The following LINGO2 variants were observed in gnomAD, a reference collection of about 807,000 sequenced individuals.
The protein encoded by LINGO2 is leucine rich repeat and Ig domain containing 2.
LINGO2 carries 14 observed loss-of-function variants against 30.6 expected under a neutral mutation model. That is an observed-to-expected ratio of 0.46 (90% confidence interval 0.30 to 0.72). The LOEUF is 0.72. Ranked by LOEUF, LINGO2 falls within the 30% of genes least tolerant of loss-of-function variation. The probability of loss-of-function intolerance (pLI) is 0.07; values close to 1 mark genes in which losing one functional copy is unlikely to be tolerated. For synonymous variants in LINGO2, 317 were observed against 288.5 expected, an observed-to-expected ratio of 1.10 and a Z score of -1.00; for missense variants, 729 against 751.7, an observed-to-expected ratio of 0.97 and a Z score of 0.35.
the LINGO2 span, among the ~76,000 whole-genome samples, chr9:28,797,830 G>T: frequency 6.6e-6 from 1 of 152,092 alleles, no homozygotes; most frequent in Non-Finnish European, 1.5e-5. Context: ...AGTTAGAGCA[G>T]TAGAAATGTG....
chr9:28,188,543 G>A (rs1017442731), intron 4 of LINGO2, among the ~76,000 whole-genome samples: 7 of 151,750 alleles, frequency 4.6e-5, no homozygotes, highest in East Asian at 1.9e-4. Flanking sequence ...CTCTGCTTCC[G>A]GAAAAAAAAT....
chr9:28,686,443 G>A, the LINGO2 span, among the ~76,000 whole-genome samples: 3 of 151,864 alleles, frequency 2.0e-5, no homozygotes, highest in African/African-American at 7.3e-5. Context: ...CTCAAAATTA[G>A]CCAGAACACT....
the LINGO2 span, among the ~76,000 whole-genome samples, chr9:29,099,022 TA>T: frequency 3.3e-5 from 5 of 152,076 alleles, no homozygotes; most frequent in Non-Finnish European, 7.4e-5. Context: ...AGCACTGGCA[TA>T]AAAACAGATG....
chr9:29,064,555 A>C, the LINGO2 span, among the ~76,000 whole-genome samples: 5 of 152,242 alleles, frequency 3.3e-5, no homozygotes, highest in African/African-American at 1.2e-4. Flanking sequence ...CAAATATTTA[A>C]GATAACACTC....
chr9:28,444,436 C>A (rs1396810984), intron 2 of LINGO2, among the ~76,000 whole-genome samples: 2 of 152,214 alleles, frequency 1.3e-5, no homozygotes, highest in African/African-American at 2.4e-5. Flanking sequence ...AACGAGGCAG[C>A]AGGACTAAAA....
chr9:28,057,566 CATATATAT>C (rs897080548), intron 4 of LINGO2, among the ~76,000 whole-genome samples: 6 of 21,910 alleles, frequency 2.7e-4, no homozygotes, highest in Admixed American at 7.1e-4. Context: ...TATATATATA[CATATATAT>C]ACACATATAT....
chr9:28,711,724 A>G, the LINGO2 span, among the ~76,000 whole-genome samples: 1 of 152,154 alleles, frequency 6.6e-6, no homozygotes, highest in Non-Finnish European at 1.5e-5. Context: ...GTATTGTAAT[A>G]CTTAATTTCC....
intron 1 of LINGO2, among the ~76,000 whole-genome samples, chr9:28,497,079 G>A (rs180761636): frequency 1.3e-5 from 2 of 152,224 alleles, no homozygotes; most frequent in East Asian, 3.9e-4. Context: ...TTTCTCTCTG[G>A]CTGCCCTTAA....
At chr9:28,859,630 T>C in the LINGO2 span, among the ~76,000 whole-genome samples, 1 of 152,036 alleles carries the variant, frequency 6.6e-6, no homozygotes, top group African/African-American at 2.4e-5. Flanking sequence ...GCCATGAATA[T>C]CATAGATGCA....
chr9:29,150,715 G>T, the LINGO2 span, among the ~76,000 whole-genome samples: 2 of 152,056 alleles, frequency 1.3e-5, no homozygotes, highest in South Asian at 2.1e-4. Flanking sequence ...CAATTTTTTT[G>T]ATTTAACGAA....
chr9:28,658,373 T>C (rs369615404), intron 1 of LINGO2, among the ~76,000 whole-genome samples: 6 of 152,042 alleles, frequency 3.9e-5, no homozygotes, highest in African/African-American at 1.2e-4. Context: ...GCTTTCTATT[T>C]CTCTTTTTAA....
chr9:28,341,336 T>A (rs1825759460), intron 3 of LINGO2, among the ~76,000 whole-genome samples: 1 of 152,162 alleles, frequency 6.6e-6, no homozygotes, highest in South Asian at 2.1e-4. Flanking sequence ...GTGTTACCAG[T>A]CATTTTGGTC....
chr9:28,509,356 C>G (rs1457079767), intron 1 of LINGO2, among the ~76,000 whole-genome samples: 1 of 152,198 alleles, frequency 6.6e-6, no homozygotes, highest in Admixed American at 6.5e-5. Flanking sequence ...CTTCCTATGA[C>G]AGTGATTCCT....
chr9:29,017,367 G>C, the LINGO2 span, among the ~76,000 whole-genome samples: 1 of 152,096 alleles, frequency 6.6e-6, no homozygotes, highest in Non-Finnish European at 1.5e-5. Flanking sequence ...TTGATTCTCA[G>C]CTTTTTGAAA....
chr9:28,251,829 A>G (rs778965299), intron 4 of LINGO2, among the ~76,000 whole-genome samples: 12 of 152,192 alleles, frequency 7.9e-5, no homozygotes, highest in Non-Finnish European at 1.6e-4. Flanking sequence ...TAAAGGGTCA[A>G]TCCTTCAAGA....
At chr9:28,959,612 T>TCTCTCTCACACACACACACACA in the LINGO2 span, among the ~76,000 whole-genome samples, 4 of 132,226 alleles carry the variant, frequency 3.0e-5, no homozygotes, top group African/African-American at 1.3e-4. Flanking sequence ...TCTCTCTCCC[T>TCTCTCTCACACACACACACACA]CACACACACA....
intron 1 of LINGO2, among the ~76,000 whole-genome samples, chr9:28,511,095 C>A (rs771859496): frequency 1.3e-5 from 2 of 152,038 alleles, no homozygotes; most frequent in Admixed American, 1.3e-4. Flanking sequence ...TCTCCTTTGG[C>A]AGCACCCTCA....
chr9:28,381,352 T>C (rs1471432054), intron 2 of LINGO2, among the ~76,000 whole-genome samples: 1 of 152,120 alleles, frequency 6.6e-6, no homozygotes, highest in Non-Finnish European at 1.5e-5. Context: ...AATTTCAGTC[T>C]CCATTGGTTG....
At chr9:29,079,126 G>A in the LINGO2 span, among the ~76,000 whole-genome samples, 1 of 146,080 alleles carries the variant, frequency 6.8e-6, no homozygotes, top group African/African-American at 2.5e-5. Flanking sequence ...TATAGACAGA[G>A]GACTATCTAT....
Sources: allele counts gnomAD v4.1 joint callset (sites outside exome capture counted in the v4.1 genomes callset), GRCh38; gene constraint gnomAD v4.1.1; transcripts MANE v1.5; gene names NCBI Gene and HGNC (gene_info 2026-07-23, HGNC 2026-07-21).